The following MSI2 variants were observed in gnomAD, a reference collection of about 807,000 sequenced individuals.
MSI2 encodes the protein RNA-binding protein Musashi homolog 2.
A neutral mutation model predicts 45.6 loss-of-function variants in MSI2; 17 were observed. The observed-to-expected ratio is 0.37, with a 90% confidence interval of 0.26 to 0.56. The LOEUF is 0.56. Ranked by LOEUF, MSI2 falls within the 20% of genes least tolerant of loss-of-function variation. The pLI is 0.77. For missense variants in MSI2, 293 were observed against 444.2 expected (o/e 0.66, Z 3.06); for synonymous variants, 156 against 158.2 (o/e 0.99, Z 0.11).
chr17:57,389,252 C>T (rs1407152001), intron 5 of MSI2, among the ~76,000 whole-genome samples: 1 of 152,120 alleles, frequency 6.6e-6, no homozygotes, highest in African/African-American at 2.4e-5. Context: ...ACTGGGATTA[C>T]AGGTGTGAGC....
At chr17:57,492,984 C>T (rs2085905747) in intron 6 of MSI2, among the ~76,000 whole-genome samples, 1 of 152,190 alleles carries the variant, frequency 6.6e-6, no homozygotes, top group Admixed American at 6.5e-5. Context: ...TTCGTTAAAA[C>T]AGAGTGAGCC....
intron 8 of MSI2, among the ~76,000 whole-genome samples, chr17:57,605,706 T>A (rs1906499502): frequency 1.3e-5 from 2 of 152,260 alleles, no homozygotes. Context: ...TCTTCTAGTT[T>A]CACTCTAGTT....
At chr17:57,585,821 C>T (rs917204846) in intron 7 of MSI2, among the ~76,000 whole-genome samples, 5 of 152,220 alleles carry the variant, frequency 3.3e-5, no homozygotes, top group African/African-American at 9.6e-5. Flanking sequence ...TCGCCAAAGC[C>T]GCCCCGGGCT....
intron 7 of MSI2, among the ~76,000 whole-genome samples, chr17:57,588,102 T>TGGGG (rs1904477780): frequency 6.6e-6 from 1 of 151,862 alleles, no homozygotes; most frequent in African/African-American, 2.4e-5. Context: ...CTGCTTATTT[T>TGGGG]GGGGGGAGGG....
At chr17:57,295,511 G>T (rs867843365) in intron 5 of MSI2, among the ~76,000 whole-genome samples, 5 of 152,098 alleles carry the variant, frequency 3.3e-5, no homozygotes, top group Admixed American at 6.6e-5. Context: ...TTTTATACAG[G>T]TGCGGTAGGT....
At chr17:57,321,420 C>A (rs1913333510) in intron 5 of MSI2, among the ~76,000 whole-genome samples, 3 of 152,222 alleles carry the variant, frequency 2.0e-5, no homozygotes, top group Admixed American at 2.0e-4. Flanking sequence ...AGAAAGCCCC[C>A]CTCCCACGCC....
intron 7 of MSI2, among the ~76,000 whole-genome samples, chr17:57,554,330 A>G (rs1234961591): frequency 6.6e-6 from 1 of 152,140 alleles, no homozygotes; most frequent in Non-Finnish European, 1.5e-5. Flanking sequence ...ATGGAGCATT[A>G]CTAGAGAGCC....
chr17:57,634,811 C>G (rs1360167206), intron 10 of MSI2, among the ~76,000 whole-genome samples: 4 of 152,242 alleles, frequency 2.6e-5, no homozygotes, highest in African/African-American at 7.2e-5. Context: ...TCATTCTACT[C>G]TCTTCAGCAT....
intron 5 of MSI2, among the ~76,000 whole-genome samples, chr17:57,318,338 C>T (rs1198206167): frequency 1.3e-5 from 2 of 152,102 alleles, no homozygotes; most frequent in African/African-American, 4.8e-5. Context: ...GAGCCTTTCC[C>T]CCATTCCGGA....
chr17:57,508,315 G>A (rs1444891358), intron 6 of MSI2, among the ~76,000 whole-genome samples: 2 of 152,152 alleles, frequency 1.3e-5, no homozygotes, highest in East Asian at 1.9e-4. Flanking sequence ...CAGACTTCCC[G>A]GACCTCCAGC....
chr17:57,583,488 C>CTTTTT lies in MSI2; in HGVS notation c.455-13365_455-13361dup, dbSNP rs5821192. On this transcript the variant is annotated intron_variant, in intron 7 of 13. Coordinates refer to ENST00000284073, the MANE Select transcript of MSI2 (RefSeq NM_138962.4). ...TACTTTTTTCCTTCTCCCAATGTTT[C>CTTTTT]TTTTTTTTTTTTTTTTTTTGAGACA... Among the ~76,000 whole-genome samples the CTTTTT allele has an allele frequency of 1.4e-3, 134 of 98,014 alleles. 6 individuals carry two copies. The highest frequency in any genetic ancestry group is 4.8e-3 in the African/African-American group (125 of 25,778). 64.3% of individuals were successfully genotyped at this position (98,014 alleles called of 152,430 possible).
intron 6 of MSI2, among the ~76,000 whole-genome samples, chr17:57,429,343 T>C (rs1199571506): frequency 2.0e-5 from 3 of 152,100 alleles, no homozygotes; most frequent in Non-Finnish European, 2.9e-5. Context: ...GTAGTTTTGC[T>C]CTCCCAGTGA....
chr17:57,533,415 C>G (rs1203133602), intron 7 of MSI2, among the ~76,000 whole-genome samples: 2 of 152,248 alleles, frequency 1.3e-5, no homozygotes, highest in Non-Finnish European at 2.9e-5. Context: ...TTCTGCTGCT[C>G]CCATGACATT....
intron 5 of MSI2, among the ~76,000 whole-genome samples, chr17:57,391,199 G>A (rs557132878): frequency 3.3e-5 from 5 of 152,206 alleles, no homozygotes; most frequent in South Asian, 4.1e-4. Flanking sequence ...ATTTCTCAGC[G>A]TGGGAATAGG....
intron 11 of MSI2, among the ~76,000 whole-genome samples, chr17:57,657,889 A>G (rs1231781542): frequency 2.0e-5 from 3 of 152,246 alleles, no homozygotes; most frequent in Admixed American, 1.3e-4. Context: ...ACCAAGGAAT[A>G]TAAAGGCAGA....
At chr17:57,454,637 A>G (rs949337202) in intron 6 of MSI2, among the ~76,000 whole-genome samples, 40 of 151,840 alleles carry the variant, frequency 2.6e-4, no homozygotes, top group African/African-American at 8.2e-4. Context: ...GGGTTTCACT[A>G]TGTTGGCCAG....
chr17:57,318,013 G>A (rs1382720831), intron 5 of MSI2, among the ~76,000 whole-genome samples: 1 of 152,164 alleles, frequency 6.6e-6, no homozygotes, highest in East Asian at 1.9e-4. Context: ...GCTGGGAGTG[G>A]TAGCACACAC....
chr17:57,605,061 C>T (rs1208492260), intron 8 of MSI2, among the ~76,000 whole-genome samples: 1 of 152,174 alleles, frequency 6.6e-6, no homozygotes, highest in Non-Finnish European at 1.5e-5. Flanking sequence ...TTTTAGCCAT[C>T]CATTCTGCTT....
At chr17:57,393,013 A>G (rs192079263) in intron 5 of MSI2, among the ~76,000 whole-genome samples, 1 of 152,270 alleles carries the variant, frequency 6.6e-6, no homozygotes, top group African/African-American at 2.4e-5. Flanking sequence ...TATCACCTCA[A>G]AAAGAAACCG....
Sources: gnomAD v4.1 joint callset for allele counts (sites outside exome capture counted in the v4.1 genomes callset) on GRCh38, gnomAD v4.1.1 for gene constraint, MANE v1.5 for transcripts, NCBI Gene and HGNC (gene_info 2026-07-23, HGNC 2026-07-21) for gene names.